The following RIC8B variants were observed in gnomAD, a reference collection of about 807,000 sequenced individuals.
RIC8B encodes RIC8 guanine nucleotide exchange factor B.
Under a neutral mutation model 57.5 loss-of-function variants are expected in RIC8B, and 16 were observed. The ratio of observed to expected loss-of-function variants is 0.28; its 90% CI spans 0.19 to 0.42. RIC8B has a LOEUF of 0.42. RIC8B is among the 10% of genes least tolerant of loss of function. The pLI is 1.00. For synonymous variants in RIC8B, 216 were observed against 250.8 expected, an observed-to-expected ratio of 0.86 and a Z score of 1.31; for missense variants, 481 against 677.0, an observed-to-expected ratio of 0.71 and a Z score of 3.21.
chr12:106,797,484 G>A (rs2044535548), intron 2 of RIC8B, among the ~76,000 whole-genome samples: 1 of 152,144 alleles, frequency 6.6e-6, no homozygotes, highest in Admixed American at 6.5e-5. Flanking sequence ...TAGTTGCCAG[G>A]GGCTGGAGGA....
At chr12:106,788,406 A>G (rs2044127967) in intron 2 of RIC8B, among the ~76,000 whole-genome samples, 1 of 152,080 alleles carries the variant, frequency 6.6e-6, no homozygotes, top group African/African-American at 2.4e-5. Context: ...TCACAGCTCT[A>G]CTAGGCGGTG....
intron 8 of RIC8B, among the ~76,000 whole-genome samples, chr12:106,865,033 T>C (rs1185486160): frequency 6.6e-6 from 1 of 152,228 alleles, no homozygotes; most frequent in East Asian, 1.9e-4. Context: ...ACATTACATA[T>C]ACACCTTTTG....
chr12:106,842,309 C>A lies in RIC8B; in HGVS notation c.837-280C>A, dbSNP rs375372782. Among the ~76,000 whole-genome samples the A allele has an allele frequency of 1.4e-4, 22 of 152,272 alleles. No homozygotes were observed. The East Asian group carries it at 4.2e-3, about 29-fold the overall frequency. ...AAATTAAGGAGCTGGCATTAAAGCTCACTAATTCCTATTTTAGCATTTCAG... is the reference window on the plus strand; with the variant it reads ...AAATTAAGGAGCTGGCATTAAAGCTAACTAATTCCTATTTTAGCATTTCAG... On this transcript the variant is annotated intron_variant, in intron 4 of 9. Transcript: ENST00000392837.
rs148551270 is a variant in RIC8B, at chr12:106,812,245, ATCT to A, written c.133-2447_133-2445del. ...AAATCTTGTCTTTGCTTGCTGGATG[ATCT>A]TCTACAAGCTTTTAGATGAAGCAGT... On this transcript the variant is annotated intron_variant, in intron 2 of 9. Transcript: ENST00000392837. 4.6e-3 allele frequency among the ~76,000 whole-genome samples: 697 copies of A among 152,240 alleles called. 4 individuals are homozygous for A. Among genetic ancestry groups the A allele is most frequent in the African/African-American group, 0.016 (671 of 41,536 alleles).
chr12:106,809,156 A>G (rs937695906), intron 2 of RIC8B, among the ~76,000 whole-genome samples: 8 of 152,352 alleles, frequency 5.3e-5, no homozygotes, highest in African/African-American at 1.9e-4. Flanking sequence ...CATTGGAATC[A>G]GATGATCCGG....
chr12:106,828,171 C>T (rs1455700880), intron 4 of RIC8B, among the ~76,000 whole-genome samples: 1 of 152,088 alleles, frequency 6.6e-6, no homozygotes, highest in Non-Finnish European at 1.5e-5. Context: ...ATGCCTAGAG[C>T]CACAGACAGG....
At chr12:106,798,646 A>G (rs2044595987) in intron 2 of RIC8B, among the ~76,000 whole-genome samples, 1 of 152,056 alleles carries the variant, frequency 6.6e-6, no homozygotes, top group Non-Finnish European at 1.5e-5. Flanking sequence ...AATTGTTAGA[A>G]GGCTGTTACT....
chr12:106,835,763 A>G (rs2046571341), intron 4 of RIC8B, among the ~76,000 whole-genome samples: 3 of 152,256 alleles, frequency 2.0e-5, no homozygotes, highest in Admixed American at 2.0e-4. Context: ...TCTAGGCAGG[A>G]GAAAACATGG....
At chr12:106,805,481 AGT>A (rs1465494208) in intron 2 of RIC8B, among the ~76,000 whole-genome samples, 1 of 152,146 alleles carries the variant, frequency 6.6e-6, no homozygotes, top group Non-Finnish European at 1.5e-5. Context: ...TAGGTGACAG[AGT>A]GAGACCCTGT....
chr12:106,802,753 G>C (rs2044795019), intron 2 of RIC8B, among the ~76,000 whole-genome samples: 1 of 151,940 alleles, frequency 6.6e-6, no homozygotes, highest in South Asian at 2.1e-4. Flanking sequence ...ATAAGAATTT[G>C]AGTCCCCTTT....
chr12:106,820,607 C>T (rs1259326413), intron 3 of RIC8B, among the ~76,000 whole-genome samples: 3 of 152,042 alleles, frequency 2.0e-5, no homozygotes, highest in South Asian at 2.1e-4. Context: ...ATCAGTGAAA[C>T]GTAATAAGAA....
At chr12:106,868,793 AC>A (rs1950252504) in intron 8 of RIC8B, among the ~76,000 whole-genome samples, 1 of 147,992 alleles carries the variant, frequency 6.8e-6, no homozygotes, top group Non-Finnish European at 1.5e-5. Context: ...ACACACACAC[AC>A]ACACACACAC....
rs887308917 is a variant in RIC8B, at chr12:106,886,575, A to G, written c.*560A>G. On this transcript the variant is annotated 3_prime_UTR_variant, in exon 10 of 10. Coordinates refer to ENST00000392837, the MANE Select transcript of RIC8B (RefSeq NM_001330145.2). Reference sequence around the variant, plus strand: ...AACACACACACAGCCTCAGACTTACAAACTGATTATACTCTAAAAGTTTGT... The same window carrying G: ...AACACACACACAGCCTCAGACTTACGAACTGATTATACTCTAAAAGTTTGT... 2 of 152,680 alleles carry G rather than the reference A, an allele frequency of 1.3e-5. No individual in the cohort carries two copies. Among genetic ancestry groups the G allele is most frequent in the African/African-American group, 4.8e-5 (2 of 41,436 alleles). 9.5% of individuals were successfully genotyped at this position (152,680 alleles called of 1,614,324 possible).
chr12:106,774,995 C>T, intron 1 of RIC8B, 166 bp downstream of exon 1: 1 of 602,824 alleles, frequency 1.7e-6, no homozygotes. Flanking sequence ...CCTTTTCCAT[C>T]CATGCATCCT....
At position 106,860,279 on chromosome 12, in the gene RIC8B, C is replaced by G; in HGVS notation, c.1318C>G (p.Leu440Val). Residue 440 changes from leucine (L) to valine (V), a missense_variant, in exon 8 of 10, where the codon CTG becomes GTG. Coordinates refer to ENST00000392837, the MANE Select transcript of RIC8B (RefSeq NM_001330145.2). ...VLCKERVDSLLKYTGYGNAAG... is the reference protein window; with the variant it reads ...VLCKERVDSLVKYTGYGNAAG... ...TTCTGTTTTTGCAGTGGATAGTCTG[C>G]TGAAATACACTGGCTATGGGAATGC... The G allele has an allele frequency of 6.3e-7, 1 of 1,588,716 alleles. No homozygotes were observed. The highest frequency in any genetic ancestry group is 8.6e-7 in the Non-Finnish European group (1 of 1,169,386).
chr12:106,846,667 A>G (rs1206057273), intron 6 of RIC8B, among the ~76,000 whole-genome samples: 1 of 151,806 alleles, frequency 6.6e-6, no homozygotes, highest in Non-Finnish European at 1.5e-5. Flanking sequence ...TTTTTTCCAC[A>G]AGGGATCCAG....
In RIC8B at chr12:106,775,807, A is replaced by G. The variant is rs542081362; in HGVS notation, c.84+978A>G. ...GACTGCTTTATAGGAATGACTGGCG[A>G]CTCCCTTCTGTGAAAACACACCCAA... On this transcript the variant is annotated intron_variant, in intron 1 of 9. Transcript: ENST00000392837. Among the ~76,000 whole-genome samples, 3 of 152,042 alleles carry G rather than the reference A, an allele frequency of 2.0e-5. No individual in the cohort carries two copies. In the East Asian group the frequency reaches 5.8e-4, roughly 29 times the overall value.
intron 2 of RIC8B, among the ~76,000 whole-genome samples, chr12:106,792,654 T>C (rs2044307384): frequency 1.3e-5 from 2 of 152,022 alleles, no homozygotes; most frequent in South Asian, 4.1e-4. Flanking sequence ...GTAAGAAAAG[T>C]GGGCCGGATG....
rs867453514 is a variant in RIC8B, at chr12:106,879,332, C to G, written c.1572-6572C>G. 19 of 985,262 alleles carry G rather than the reference C, an allele frequency of 1.9e-5. No individual in the cohort carries two copies. The Middle Eastern group carries it at 1.6e-3, about 81-fold the overall frequency. The allele number at this position is 985,262 out of a possible 1,614,324, so 61.0% of individuals were successfully genotyped here. A position where few individuals can be genotyped will look rare whatever the true frequency, so the allele number is the denominator to read the frequency against. On this transcript the variant is annotated intron_variant, in intron 9 of 9. Coordinates refer to ENST00000392837, the MANE Select transcript of RIC8B (RefSeq NM_001330145.2). The surrounding 1 kb of genome is among the most constrained non-coding windows in gnomAD (Gnocchi z 4.9). ...TATACACATACACGTCTGACCTATTCTATATTGTGCGATTGGGTATGTTAG... is the reference window on the plus strand; with the variant it reads ...TATACACATACACGTCTGACCTATTGTATATTGTGCGATTGGGTATGTTAG...
Sources: allele counts gnomAD v4.1 joint callset (sites outside exome capture counted in the v4.1 genomes callset), GRCh38; gene constraint gnomAD v4.1.1; non-coding constraint Gnocchi (gnomAD v3.1); transcripts MANE v1.5; gene names NCBI Gene and HGNC (gene_info 2026-07-23, HGNC 2026-07-21).